EVC: variants seen among roughly 807,000 people sequenced by gnomAD.
EVC encodes evC complex member EVC.
In EVC, 116 loss-of-function variants were observed where a neutral mutation model predicts 118.9. The observed-to-expected ratio is 0.98, with a 90% CI of 0.84 to 1.14. EVC has a LOEUF of 1.14. EVC is among the 50% of genes most tolerant of loss of function. The pLI is 0.00. For synonymous variants in EVC, 619 were observed against 534.7 expected, an observed-to-expected ratio of 1.16 and a Z score of -2.18; for missense variants, 1,401 against 1,246.4, an observed-to-expected ratio of 1.12 and a Z score of -1.87.
chr4:5,731,726 G>A lies in EVC; in HGVS notation c.617+69G>A. ...GGAGTGGGCCGGGAGTCACATCATT[G>A]TCAGAGGAGGAAACAGAGGCCCAGA... On this transcript the variant is annotated intron_variant, in intron 4 of 20. Transcript: ENST00000264956. This position sits in a 1 kb window ranked among gnomAD's most constrained non-coding sequence, Gnocchi z 5.6. The A allele has an allele frequency of 6.9e-7, 1 of 1,439,076 alleles. No homozygotes were observed. The highest frequency in any genetic ancestry group is 9.6e-7 in the Non-Finnish European group (1 of 1,041,024). 89.1% of individuals were successfully genotyped at this position (1,439,076 alleles called of 1,614,324 possible). A position where few individuals can be genotyped will look rare whatever the true frequency, so the allele number is the denominator to read the frequency against.
At chr4:5,729,707 G>T (rs1387100054) in intron 3 of EVC, among the ~76,000 whole-genome samples, 1 of 152,164 alleles carries the variant, frequency 6.6e-6, no homozygotes, top group African/African-American at 2.4e-5. Context: ...CATTCACAGA[G>T]CCCTGGACTA....
chr4:5,762,773 T>G (rs1332884258), intron 11 of EVC, among the ~76,000 whole-genome samples: 1 of 98,418 alleles, frequency 1.0e-5, no homozygotes, highest in Non-Finnish European at 2.1e-5. Context: ...TGTAAATGTG[T>G]TTGAGTTCAT....
chr4:5,724,430 C>T (rs1377373717), intron 2 of EVC, among the ~76,000 whole-genome samples: 1 of 152,212 alleles, frequency 6.6e-6, no homozygotes. Context: ...CACGAACCCC[C>T]ACTTCCCTTT....
intron 11 of EVC, among the ~76,000 whole-genome samples, chr4:5,776,350 C>A (rs2152251633): frequency 6.6e-6 from 1 of 152,010 alleles, no homozygotes; most frequent in Non-Finnish European, 1.5e-5. Flanking sequence ...AAAAAGTGAC[C>A]CTGTGTTTAC....
intron 8 of EVC, among the ~76,000 whole-genome samples, chr4:5,748,964 T>A (rs1447057980): frequency 1.3e-5 from 2 of 152,092 alleles, no homozygotes; most frequent in African/African-American, 4.8e-5. Flanking sequence ...TCTGACTTAA[T>A]CAGATTGGGG....
At chr4:5,818,599 TG>T (rs201568476), downstream of EVC, among the ~76,000 whole-genome samples, 1,005 of 152,258 alleles carry the variant, frequency 6.6e-3, 7 homozygotes, top group African/African-American at 0.023. Context: ...AGTGGATTAA[TG>T]GGTTATCATG....
the EVC span, chr4:5,828,040 C>T: frequency 1.0e-6 from 1 of 985,428 alleles, no homozygotes; most frequent in Non-Finnish European, 1.2e-6. Flanking sequence ...GAAGGAAGCC[C>T]TGCCTGCAAG....
the EVC span, chr4:5,825,443 C>A: frequency 6.6e-7 from 1 of 1,510,344 alleles, no homozygotes; most frequent in Non-Finnish European, 8.8e-7. The surrounding 1 kb of genome is among the most constrained non-coding windows in gnomAD (Gnocchi z 4.4). Context: ...AGGAAGGACT[C>A]GGCCTGAACT....
At chr4:5,808,584 G>T (rs533918679) in intron 18 of EVC, among the ~76,000 whole-genome samples, 1 of 152,336 alleles carries the variant, frequency 6.6e-6, no homozygotes, top group South Asian at 2.1e-4. Context: ...CTGAGCAGCT[G>T]GTCAGGCCTC....
In EVC at chr4:5,738,405, G is replaced by C. The variant is rs1341078077; in HGVS notation, c.703-3311G>C. On this transcript the variant is annotated intron_variant, in intron 5 of 20. Coordinates refer to ENST00000264956, the MANE Select transcript of EVC (RefSeq NM_153717.3). This position sits in a 1 kb window ranked among gnomAD's most constrained non-coding sequence, Gnocchi z 6.5. ...TGACTCCAAGTTTTAAAGTTCTACT[G>C]TGGGCAAATTGCTATCGAATAGCAT... is the stretch of plus-strand genomic sequence containing the variant. Among the ~76,000 whole-genome samples, 5 of 152,182 alleles carry C rather than the reference G, an allele frequency of 3.3e-5. No homozygotes were observed. The highest frequency in any genetic ancestry group is 1.2e-4 in the African/African-American group (5 of 41,442).
At chr4:5,714,351 A>G (rs1413511230) in intron 1 of EVC, among the ~76,000 whole-genome samples, 1 of 152,252 alleles carries the variant, frequency 6.6e-6, no homozygotes, top group Non-Finnish European at 1.5e-5. Flanking sequence ...GTTCATGCAC[A>G]TAATTTAAAG....
rs1169181263 is a variant in EVC, at chr4:5,814,118, G to A, written c.*3081G>A. The A allele has an allele frequency of 6.6e-6, 1 of 152,372 alleles. No homozygotes were observed. The highest frequency in any genetic ancestry group is 1.5e-5 in the Non-Finnish European group (1 of 68,120). 9.4% of individuals were successfully genotyped at this position (152,372 alleles called of 1,614,324 possible). On this transcript the variant is annotated 3_prime_UTR_variant, in exon 21 of 21. Coordinates refer to ENST00000264956, the MANE Select transcript of EVC (RefSeq NM_153717.3). ...CATGAAGGCAGCACTCAGGGCCAGG[G>A]GAGAGAGAAGAGGATCAGCAGTGCA...
chr4:5,784,445 A>G (rs1736112370), intron 12 of EVC, among the ~76,000 whole-genome samples: 1 of 152,148 alleles, frequency 6.6e-6, no homozygotes, highest in Non-Finnish European at 1.5e-5. Context: ...TATAGCCTCT[A>G]GAAAAGAGCA....
chr4:5,757,961 C>T (rs1731431942), intron 11 of EVC: 6 of 631,760 alleles, frequency 9.5e-6, no homozygotes, highest in Admixed American at 2.5e-5. Context: ...TCTGGAACCT[C>T]GGAATGTGGC....
intron 16 of EVC, among the ~76,000 whole-genome samples, chr4:5,802,543 T>A (rs114351305): frequency 0.07 from 10,582 of 151,978 alleles, 547 homozygotes; most frequent in South Asian, 0.13. Context: ...GTGAAATAAT[T>A]ATACAACTCA....
intron 12 of EVC, among the ~76,000 whole-genome samples, chr4:5,788,663 T>A (rs1712171924): frequency 6.6e-6 from 1 of 152,080 alleles, no homozygotes. Context: ...TCCCATTGAT[T>A]TTGCCTTCCG....
chr4:5,752,543 C>T (rs1203413512), intron 8 of EVC: 1 of 504,770 alleles, frequency 2.0e-6, no homozygotes, highest in African/African-American at 1.9e-5. Context: ...GTTTGTAAAT[C>T]TGGATTCCCT....
chr4:5,826,047 C>T, the EVC span: 1 of 293,732 alleles, frequency 3.4e-6, no homozygotes. Context: ...TTCACAAAGG[C>T]ATACTCACAT....
intron 11 of EVC, among the ~76,000 whole-genome samples, chr4:5,758,991 A>G (rs1214019481): frequency 6.6e-6 from 1 of 151,924 alleles, no homozygotes; most frequent in Non-Finnish European, 1.5e-5. Context: ...CTTACCGGGG[A>G]AACTCCCTTT....
Sources: allele counts gnomAD v4.1 joint callset (sites outside exome capture counted in the v4.1 genomes callset), GRCh38; gene constraint gnomAD v4.1.1; non-coding constraint Gnocchi (gnomAD v3.1); transcripts MANE v1.5; gene names NCBI Gene and HGNC (gene_info 2026-07-23, HGNC 2026-07-21).